Variants in EGR2 observed in about 807,000 individuals in gnomAD.
EGR2 encodes the protein early growth response 2, also known as E3 SUMO-protein ligase EGR2.
In EGR2, 2 loss-of-function variants were observed where a neutral mutation model predicts 21.2. That is an observed-to-expected ratio of 0.09 (90% CI 0.04 to 0.30). The LOEUF is 0.30. EGR2 is among the 10% of genes least tolerant of loss of function. The pLI, the probability that EGR2 is intolerant of heterozygous loss-of-function variation, is 1.00. For synonymous variants in EGR2, 282 were observed against 258.2 expected (o/e 1.09, Z -0.88); for missense variants, 458 against 630.2 (o/e 0.73, Z 2.93).
In EGR2 at chr10:62,813,164, C is replaced by G. The variant is rs1251322873; in HGVS notation, c.*43G>C. ...TGTGCAGCTCCAGTGGACAAAGGGC[C>G]TCCGGGACCTTTGGGAGCTGGTGTA... On this transcript the variant is annotated 3_prime_UTR_variant, in exon 2 of 2. Coordinates refer to ENST00000242480, the MANE Select transcript of EGR2 (RefSeq NM_000399.5). This position sits in a 1 kb window ranked among gnomAD's most constrained non-coding sequence, Gnocchi z 5.7. The G allele has an allele frequency of 6.6e-7, 1 of 1,523,052 alleles. No individual in the cohort carries two copies. The highest frequency in any genetic ancestry group is 8.7e-7 in the Non-Finnish European group (1 of 1,143,318). 94.3% of individuals were successfully genotyped at this position (1,523,052 alleles called of 1,614,324 possible). A position where few individuals can be genotyped will look rare whatever the true frequency, so the allele number is the denominator to read the frequency against.
chr10:62,813,717 G>A lies in EGR2; in HGVS notation c.921C>T (p.Ala307=), dbSNP rs751393520. The A allele has an allele frequency of 2.8e-5, 45 of 1,611,148 alleles. No homozygotes were observed. Among genetic ancestry groups the A allele is most frequent in the Middle Eastern group, 1.6e-4 (1 of 6,062 alleles). ...SSSAAAAAAA[A]AAYNPHHLPL... ...GCAGGTGGTGTGGGTTATAGGCGGC[G>A]GCGGCGGCGGCTGCTGCTGCTGCTG... Residue 307 remains alanine (A), a synonymous_variant, in exon 2 of 2, where the codon GCC becomes GCT. Coordinates refer to ENST00000242480, the MANE Select transcript of EGR2 (RefSeq NM_000399.5). The surrounding 1 kb of genome is among the most constrained non-coding windows in gnomAD (Gnocchi z 5.7).
upstream of EGR2, chr10:62,818,689 C>A (rs776389821): frequency 1.6e-5 from 18 of 1,093,364 alleles, no homozygotes; most frequent in Admixed American, 2.9e-5. Context: ...TATGCAAATG[C>A]GGATCCCTGC....
chr10:62,815,060 G>A (rs181516680), intron 1 of EGR2, among the ~76,000 whole-genome samples: 1 of 152,380 alleles, frequency 6.6e-6, no homozygotes, highest in East Asian at 1.9e-4. Context: ...GAAGGAGTCC[G>A]TAGGTTTCCG....
intron 1 of EGR2, among the ~76,000 whole-genome samples, chr10:62,815,335 G>A (rs924092238): frequency 1.3e-5 from 2 of 152,234 alleles, no homozygotes; most frequent in Admixed American, 6.5e-5. Context: ...TCAACTTCGC[G>A]GGCGGCGGGC....
chr10:62,813,661 T>A lies in EGR2; in HGVS notation c.977A>T (p.Tyr326Phe), dbSNP rs1365760261. The A allele has an allele frequency of 3.1e-6, 5 of 1,613,242 alleles. No individual in the cohort carries two copies. The highest frequency in any genetic ancestry group is 4.2e-6 in the Non-Finnish European group (5 of 1,180,036). ...CGGCGTCTTGCTGGGTCTGTTGGGG[T>A]ACTTGCGAGGCCTCAGAATGGGCCG... Reference protein sequence around the residue: ...PLRPILRPRKYPNRPSKTPVH... With the variant: ...PLRPILRPRKFPNRPSKTPVH... Residue 326 changes from tyrosine to phenylalanine, a missense_variant, in exon 2 of 2, where the codon TAC (tyrosine) becomes TTC (phenylalanine). Physicochemically the swap from Tyr to Phe is conservative, Grantham distance 22. Transcript: ENST00000242480. This position sits in a 1 kb window ranked among gnomAD's most constrained non-coding sequence, Gnocchi z 5.7.
Position 62,813,220 on chromosome 10 carries a change from G to A in EGR2, c.1418C>T (p.Thr473Ile). ...CTGAGTCTCATCTCAAGGTGTCCGGGTCCGAGAGGAGCAAGGGGCGAGCGG... is the reference window on the plus strand; with the variant it reads ...CTGAGTCTCATCTCAAGGTGTCCGGATCCGAGAGGAGCAAGGGGCGAGCGG... ...GGPLAPCSSR[T>I]RTP Residue 473 changes from threonine to isoleucine, a missense_variant, in exon 2 of 2, where the codon ACC becomes ATC. Thr to Ile is a moderately conservative substitution (Grantham distance 89). Around this residue, in one of 5 missense-constraint regions of EGR2, gnomAD observed 69 missense variants for 70.4 expected, o/e 0.98. Coordinates refer to ENST00000242480, the MANE Select transcript of EGR2 (RefSeq NM_000399.5). The surrounding 1 kb of genome is among the most constrained non-coding windows in gnomAD (Gnocchi z 5.7). The A allele has an allele frequency of 6.4e-7, 1 of 1,568,578 alleles. No individual in the cohort carries two copies. Among genetic ancestry groups the A allele is most frequent in the Non-Finnish European group, 8.6e-7 (1 of 1,160,706 alleles).
chr10:62,814,952 C>T lies in EGR2; in HGVS notation c.170-484G>A, dbSNP rs1013069580. Among the ~76,000 whole-genome samples the T allele has an allele frequency of 3.7e-4, 57 of 152,198 alleles. No individual in the cohort carries two copies. The highest frequency in any genetic ancestry group is 1.3e-3 in the African/African-American group (52 of 41,456). ...GCCCGAGAAGGGGGTGGGTGATTTC[C>T]CGGCTGCTCCCCATCCCCGGCGCCT... On this transcript the variant is annotated intron_variant, in intron 1 of 1. Coordinates refer to ENST00000242480, the MANE Select transcript of EGR2 (RefSeq NM_000399.5). This position sits in a 1 kb window ranked among gnomAD's most constrained non-coding sequence, Gnocchi z 4.8.
rs1461443226 is a variant in EGR2, at chr10:62,814,167, G to A, written c.471C>T (p.Thr157=). The A allele has an allele frequency of 2.5e-6, 4 of 1,614,146 alleles. No homozygotes were observed. In the Admixed American group the frequency reaches 6.7e-5, roughly 27 times the overall value. The change falls in exon 2 of 2, where the codon ACC becomes ACT. Residue 157 remains threonine (T), a synonymous_variant. Coordinates refer to ENST00000242480, the MANE Select transcript of EGR2 (RefSeq NM_000399.5). This position sits in a 1 kb window ranked among gnomAD's most constrained non-coding sequence, Gnocchi z 4.8. ...AGTACAGGTGGTCCAGGTCAGGCTG[G>A]GTCTGGGACATGGTGCACACACCCA... is the stretch of plus-strand genomic sequence containing the variant. ...GPLGVCTMSQ[T]QPDLDHLYSP... is the part of the protein sequence containing the mutation.
chr10:62,815,715 C>T (rs1459672430), intron 1 of EGR2, 146 bp downstream of exon 1: 2 of 1,084,028 alleles, frequency 1.8e-6, no homozygotes, highest in Admixed American at 4.4e-5. Context: ...GTTCCTCCTG[C>T]ACCCACTTCC....
Position 62,813,146 on chromosome 10 carries a change from C to G in EGR2, c.*61G>C. The stretch of plus-strand genomic sequence containing the variant: ...AAGGGTGGTAGTGTTTGTTGTGCAG[C>G]TCCAGTGGACAAAGGGCCTCCGGGA... On this transcript the variant is annotated 3_prime_UTR_variant, in exon 2 of 2. Coordinates refer to ENST00000242480, the MANE Select transcript of EGR2 (RefSeq NM_000399.5). This position sits in a 1 kb window ranked among gnomAD's most constrained non-coding sequence, Gnocchi z 5.7. The G allele has an allele frequency of 6.7e-7, 1 of 1,493,486 alleles. No homozygotes were observed. 92.5% of individuals were successfully genotyped at this position (1,493,486 alleles called of 1,614,324 possible).
rs1219344202 is a variant in EGR2 at position 62,812,360 on chromosome 10, TC to T, written c.*846del. On this transcript the variant is annotated 3_prime_UTR_variant, in exon 2 of 2. Transcript: ENST00000242480. ...CATCACACAAGGCACCAAGGACACT[TC>T]CAACACAATTGCATGCATCCTAGTT... 1 of 152,736 alleles carries T rather than the reference TC, an allele frequency of 6.5e-6. No homozygotes were observed. The highest frequency in any genetic ancestry group is 1.5e-5 in the Non-Finnish European group (1 of 68,022). 9.5% of individuals were successfully genotyped at this position (152,736 alleles called of 1,614,324 possible). A position where few individuals can be genotyped will look rare whatever the true frequency, so the allele number is the denominator to read the frequency against.
At position 62,813,566 on chromosome 10, in the gene EGR2, T is replaced by A. The variant is rs1842172873; in HGVS notation, c.1072A>T (p.Thr358Ser). ...CCAGTGTGGATTCGGATGTGCCGTG[T>A]CAGCTCGTCAGAGCGGGAGAACCGC... ...DRRFSRSDEL[T>S]RHIRIHTGHK... The change falls in exon 2 of 2, where the codon ACA (threonine) becomes TCA (serine). Residue 358 changes from threonine (T) to serine (S), a missense_variant. Transcript: ENST00000242480. This position sits in a 1 kb window ranked among gnomAD's most constrained non-coding sequence, Gnocchi z 5.7. The A allele has an allele frequency of 3.7e-6, 6 of 1,612,910 alleles. No individual in the cohort carries two copies. Among genetic ancestry groups the A allele is most frequent in the Non-Finnish European group, 4.2e-6 (5 of 1,180,026 alleles).
chr10:62,813,147 T>G lies in EGR2; in HGVS notation c.*60A>C. On this transcript the variant is annotated 3_prime_UTR_variant, in exon 2 of 2. Coordinates refer to ENST00000242480, the MANE Select transcript of EGR2 (RefSeq NM_000399.5). The surrounding 1 kb of genome is among the most constrained non-coding windows in gnomAD (Gnocchi z 5.7). ...AGGGTGGTAGTGTTTGTTGTGCAGC[T>G]CCAGTGGACAAAGGGCCTCCGGGAC... is the stretch of plus-strand genomic sequence containing the variant. 1 of 1,494,272 alleles carries G rather than the reference T, an allele frequency of 6.7e-7. No homozygotes were observed. The allele number at this position is 1,494,272 out of a possible 1,614,324, so 92.6% of individuals were successfully genotyped here. A position where few individuals can be genotyped will look rare whatever the true frequency, so the allele number is the denominator to read the frequency against.
chr10:62,813,423 T>C lies in EGR2; in HGVS notation c.1215A>G (p.Arg405=). The change falls in exon 2 of 2, where the codon CGA becomes CGG. Residue 405 remains arginine (R), a synonymous_variant. Coordinates refer to ENST00000242480, the MANE Select transcript of EGR2 (RefSeq NM_000399.5). The surrounding 1 kb of genome is among the most constrained non-coding windows in gnomAD (Gnocchi z 5.7). Reference sequence around the variant, plus strand: ...TCCTCTCATCACTCCGGGCAAACTTTCGGCCACAGTAGTCACAGGCGAAGG... The same window carrying C: ...TCCTCTCATCACTCCGGGCAAACTTCCGGCCACAGTAGTCACAGGCGAAGG... The part of the protein sequence containing the change: ...EKPFACDYCG[R]KFARSDERKR... 1.9e-6 allele frequency: 3 copies of C among 1,613,774 alleles called. No individual in the cohort carries two copies. Among genetic ancestry groups the C allele is most frequent in the Non-Finnish European group, 2.5e-6 (3 of 1,179,780 alleles).
rs762614182 is a variant in EGR2, at chr10:62,813,556, A to C, written c.1082T>G (p.Ile361Ser). The change falls in exon 2 of 2, where the codon ATC becomes AGC. Residue 361 changes from isoleucine to serine, a missense_variant. By Grantham distance (142) the Ile-to-Ser change is moderately radical. Coordinates refer to ENST00000242480, the MANE Select transcript of EGR2 (RefSeq NM_000399.5). The surrounding 1 kb of genome is among the most constrained non-coding windows in gnomAD (Gnocchi z 5.7). The stretch of plus-strand genomic sequence containing the variant: ...GGGCTTATGCCCAGTGTGGATTCGG[A>C]TGTGCCGTGTCAGCTCGTCAGAGCG... ...FSRSDELTRH[I>S]RIHTGHKPFQ... The C allele has an allele frequency of 6.2e-7, 1 of 1,605,992 alleles. No individual in the cohort carries two copies. The highest frequency in any genetic ancestry group is 1.7e-5 in the Admixed American group (1 of 59,486).
chr10:62,813,375 C>T lies in EGR2; in HGVS notation c.1263G>A (p.Leu421=). ...DERKRHTKIH[L]RQKERKSSAP... is the part of the protein sequence containing the mutation. ...CACTGCTTTTCCGCTCTTTCTGTCT[C>T]AGGTGGATCTTGGTGTGGCGCTTCC... Residue 421 remains leucine (L), a synonymous_variant, in exon 2 of 2, where the codon CTG becomes CTA. Coordinates refer to ENST00000242480, the MANE Select transcript of EGR2 (RefSeq NM_000399.5). The surrounding 1 kb of genome is among the most constrained non-coding windows in gnomAD (Gnocchi z 5.7). The T allele has an allele frequency of 6.2e-7, 1 of 1,610,304 alleles. No individual in the cohort carries two copies. The highest frequency in any genetic ancestry group is 8.5e-7 in the Non-Finnish European group (1 of 1,177,084).
At chr10:62,815,771 A>G (rs1842250210) in intron 1 of EGR2, 90 bp downstream of exon 1, 2 of 1,505,588 alleles carry the variant, frequency 1.3e-6, no homozygotes, top group South Asian at 1.2e-5. Flanking sequence ...TGGAGCCCCA[A>G]TCCTCTCCTG....
At chr10:62,815,759 C>T in intron 1 of EGR2, 102 bp downstream of exon 1, 1 of 1,435,194 alleles carries the variant, frequency 7.0e-7, no homozygotes, top group Non-Finnish European at 9.6e-7. Flanking sequence ...GCACCGTCCA[C>T]CTGGAGCCCC....
chr10:62,818,225 C>T (rs2132717601), upstream of EGR2, among the ~76,000 whole-genome samples: 1 of 152,324 alleles, frequency 6.6e-6, no homozygotes, highest in Non-Finnish European at 1.5e-5. Flanking sequence ...GCACCGCGGT[C>T]AGGGCCCTGA....
Sources: allele counts gnomAD v4.1 joint callset (sites outside exome capture counted in the v4.1 genomes callset), GRCh38; gene constraint gnomAD v4.1.1; regional missense constraint gnomAD v4.1.1; non-coding constraint Gnocchi (gnomAD v3.1); transcripts MANE v1.5; gene names NCBI Gene and HGNC (gene_info 2026-07-23, HGNC 2026-07-21).